CHSY3: variants seen among roughly 807,000 people sequenced by gnomAD.
CHSY3 encodes the protein chondroitin sulfate synthase 3.
In CHSY3, 35 loss-of-function variants were observed where a neutral mutation model predicts 67.2. The observed-to-expected ratio is 0.52, with a 90% confidence interval of 0.40 to 0.69. The LOEUF is 0.69. Among genes scored for constraint, CHSY3 ranks in the 30% least tolerant of loss-of-function variants. CHSY3 has a pLI of 0.00. For synonymous variants in CHSY3, 474 were observed against 434.7 expected, an observed-to-expected ratio of 1.09 and a Z score of -1.12; for missense variants, 1,069 against 1,138.5, an observed-to-expected ratio of 0.94 and a Z score of 0.88.
At chr5:129,915,819 A>C (rs1760713271) in intron 2 of CHSY3, among the ~76,000 whole-genome samples, 1 of 152,196 alleles carries the variant, frequency 6.6e-6, no homozygotes, top group African/African-American at 2.4e-5. Context: ...ATAAAAATAC[A>C]TGTTGGGTTC....
intron 2 of CHSY3, among the ~76,000 whole-genome samples, chr5:130,128,132 T>C (rs1768353872): frequency 1.3e-5 from 2 of 151,814 alleles, no homozygotes; most frequent in African/African-American, 4.8e-5. Context: ...CAAAATCTCA[T>C]AGAGAAAAAC....
intron 2 of CHSY3, among the ~76,000 whole-genome samples, chr5:130,048,471 A>T (rs4496737): frequency 0.031 from 4,657 of 152,112 alleles, 228 homozygotes; most frequent in African/African-American, 0.11. Flanking sequence ...TAATTAATAC[A>T]GCAGGTGCAG....
intron 2 of CHSY3, chr5:130,141,059 AT>A (rs1768849402): frequency 3.6e-6 from 1 of 280,968 alleles, no homozygotes; most frequent in Non-Finnish European, 6.1e-6. Flanking sequence ...TATTTCCAAG[AT>A]TTTGTAGCTT....
Position 129,909,215 on chromosome 5 carries a change from A to G in CHSY3, c.1086+855A>G, listed in dbSNP as rs183785626. Among the ~76,000 whole-genome samples the G allele has an allele frequency of 5.7e-3, 863 of 152,242 alleles. 3 individuals are homozygous for G. Among genetic ancestry groups the G allele is most frequent in the Non-Finnish European group, 8.7e-3 (593 of 67,956 alleles). On this transcript the variant is annotated intron_variant, in intron 2 of 2. Transcript: ENST00000305031. ...GATAATTTTAGTAAAAATTTATTTA[A>G]CATTAAAATAATGTATTGTTTTTAG... is the stretch of plus-strand genomic sequence containing the variant.
chr5:130,123,155 T>A (rs1167934826), intron 2 of CHSY3, among the ~76,000 whole-genome samples: 1 of 152,184 alleles, frequency 6.6e-6, no homozygotes, highest in African/African-American at 2.4e-5. Context: ...GAGATTAATT[T>A]TATATAGTTG....
rs1769548641 is a variant in CHSY3, at chr5:130,161,705, CTACTT to C, written c.1087-22521_1087-22517del. 2.0e-5 allele frequency among the ~76,000 whole-genome samples: 3 copies of C among 152,178 alleles called. No individual in the cohort carries two copies. The South Asian group carries it at 6.2e-4, about 32-fold the overall frequency. Reference sequence around the variant, plus strand: ...AAAGAATGTTTATTCTATCTTATCACTACTTTAATGTTTGACTTCTTCACTTCAAA... The same window carrying C: ...AAAGAATGTTTATTCTATCTTATCACTAATGTTTGACTTCTTCACTTCAAA... On this transcript the variant is annotated intron_variant, in intron 2 of 2. Coordinates refer to ENST00000305031, the MANE Select transcript of CHSY3 (RefSeq NM_175856.5).
At chr5:129,965,204 T>C (rs937581672) in intron 2 of CHSY3, among the ~76,000 whole-genome samples, 1 of 151,878 alleles carries the variant, frequency 6.6e-6, no homozygotes, top group African/African-American at 2.4e-5. Context: ...AATCTGGTTT[T>C]CAGGTCAACT....
At chr5:130,040,289 G>A (rs546151057) in intron 2 of CHSY3, among the ~76,000 whole-genome samples, 4 of 152,186 alleles carry the variant, frequency 2.6e-5, no homozygotes, top group African/African-American at 4.8e-5. Flanking sequence ...AGTACACCAC[G>A]TGAAGACAAA....
chr5:130,088,241 G>T (rs942155594), intron 2 of CHSY3, among the ~76,000 whole-genome samples: 1 of 151,898 alleles, frequency 6.6e-6, no homozygotes. Flanking sequence ...AGACTTAAAC[G>T]TTAGACCTAA....
chr5:129,934,957 C>T (rs905427782), intron 2 of CHSY3, among the ~76,000 whole-genome samples: 1 of 152,230 alleles, frequency 6.6e-6, no homozygotes, highest in African/African-American at 2.4e-5. Flanking sequence ...ACTCTACACT[C>T]ACATTAAATG....
intron 2 of CHSY3, among the ~76,000 whole-genome samples, chr5:130,116,796 A>G (rs929516291): frequency 2.6e-5 from 4 of 152,200 alleles, no homozygotes; most frequent in Admixed American, 6.5e-5. Flanking sequence ...AAGCTTATGC[A>G]GCAGTGTAGT....
At chr5:130,118,081 C>T (rs562725247) in intron 2 of CHSY3, among the ~76,000 whole-genome samples, 1 of 152,242 alleles carries the variant, frequency 6.6e-6, no homozygotes, top group Admixed American at 6.5e-5. Flanking sequence ...CATGCCTGCT[C>T]CCTCTTCACT....
chr5:129,962,702 T>C (rs991123650), intron 2 of CHSY3, among the ~76,000 whole-genome samples: 1 of 152,002 alleles, frequency 6.6e-6, no homozygotes, highest in African/African-American at 2.4e-5. Context: ...AGCAAAGAAA[T>C]CCTGCTTCCT....
At chr5:130,085,767 A>G (rs1244820677) in intron 2 of CHSY3, among the ~76,000 whole-genome samples, 1 of 152,034 alleles carries the variant, frequency 6.6e-6, no homozygotes, top group East Asian at 1.9e-4. Context: ...ATTTCCCTCT[A>G]CACACTGCTT....
At chr5:130,095,106 A>G (rs2149695123) in intron 2 of CHSY3, among the ~76,000 whole-genome samples, 1 of 152,258 alleles carries the variant, frequency 6.6e-6, no homozygotes, top group Middle Eastern at 3.4e-3. Context: ...ATATGTATAC[A>G]TATACACACA....
Position 130,001,772 on chromosome 5 carries a change from C to T in CHSY3, c.1086+93412C>T, listed in dbSNP as rs570715562. 1.2e-5 allele frequency: 10 copies of T among 829,816 alleles called. No individual in the cohort carries two copies. In the South Asian group the frequency reaches 4.4e-4, roughly 37 times the overall value. The allele number at this position is 829,816 out of a possible 1,614,324, so 51.4% of individuals were successfully genotyped here. ...TTGGCATCCCTTATTCTGAACATGC[C>T]CTCGCTGATAGTTTCCTGTATATCT... On this transcript the variant is annotated intron_variant, in intron 2 of 2. Transcript: ENST00000305031.
chr5:130,013,651 A>G (rs2149648548), intron 2 of CHSY3, among the ~76,000 whole-genome samples: 1 of 152,300 alleles, frequency 6.6e-6, no homozygotes, highest in East Asian at 1.9e-4. Flanking sequence ...GCTGGGATGC[A>G]GGGCACCATG....
chr5:129,918,999 C>G (rs1442082754), intron 2 of CHSY3, among the ~76,000 whole-genome samples: 2 of 146,650 alleles, frequency 1.4e-5, no homozygotes, highest in Non-Finnish European at 3.0e-5. Flanking sequence ...CCCAGCTACT[C>G]GGGAGGCTGA....
intron 2 of CHSY3, among the ~76,000 whole-genome samples, chr5:129,925,624 T>C (rs1561457697): frequency 6.6e-6 from 1 of 152,134 alleles, no homozygotes; most frequent in Admixed American, 6.5e-5. Flanking sequence ...TACAGTATAT[T>C]ATTATTAACT....
Sources: allele counts gnomAD v4.1 joint callset (sites outside exome capture counted in the v4.1 genomes callset), GRCh38; gene constraint gnomAD v4.1.1; transcripts MANE v1.5; gene names NCBI Gene and HGNC (gene_info 2026-07-23, HGNC 2026-07-21).